ST18: variants seen among roughly 807,000 people sequenced by gnomAD.
The protein encoded by ST18 is suppression of tumorigenicity 18 protein.
In ST18, 50 loss-of-function variants were observed where a neutral mutation model predicts 110.0. That is an observed-to-expected ratio of 0.45 (90% confidence interval 0.36 to 0.58). The LOEUF (loss-of-function observed/expected upper bound fraction) is 0.58. ST18 is among the 20% of genes least tolerant of loss of function. The pLI is 0.00. For missense variants in ST18, 1,306 were observed against 1,280.1 expected (o/e 1.02, Z -0.31); for synonymous variants, 461 against 452.4 (o/e 1.02, Z -0.24).
intron 2 of ST18, among the ~76,000 whole-genome samples, chr8:52,395,638 G>A (rs78356073): frequency 0.022 from 3,418 of 152,204 alleles, 157 homozygotes; most frequent in African/African-American, 0.079. Context: ...CATGAGGAAG[G>A]CAGAAAACTG....
intron 2 of ST18, among the ~76,000 whole-genome samples, chr8:52,291,380 G>C (rs1365621007): frequency 6.6e-6 from 1 of 152,174 alleles, no homozygotes; most frequent in Non-Finnish European, 1.5e-5. Context: ...CTTGTTAAGG[G>C]TTATTATTTA....
At chr8:52,318,468 A>G (rs1285828598) in intron 2 of ST18, among the ~76,000 whole-genome samples, 1 of 152,240 alleles carries the variant, frequency 6.6e-6, no homozygotes, top group Non-Finnish European at 1.5e-5. Flanking sequence ...AATTGGTTCA[A>G]CCATTGCGGA....
At chr8:52,335,151 A>G (rs1342976394) in intron 2 of ST18, among the ~76,000 whole-genome samples, 5 of 152,148 alleles carry the variant, frequency 3.3e-5, no homozygotes, top group African/African-American at 1.2e-4. Context: ...GACTTCAGAC[A>G]TCTCTTGATT....
At position 52,112,613 on chromosome 8, in the gene ST18, ACCTTAC is replaced by A. The variant is rs2040859492; in HGVS notation, c.*579_*584del. ...TCTTCTTATTCCTTCCGTGCAGCTC[ACCTTAC>A]CGCAAATTCATTTATAAATACAAAA... On this transcript the variant is annotated 3_prime_UTR_variant, in exon 26 of 26. Coordinates refer to ENST00000689386, the MANE Select transcript of ST18 (RefSeq NM_001352837.2). 6.6e-6 allele frequency: 1 copy of A among 152,582 alleles called. No individual in the cohort carries two copies. Among genetic ancestry groups the A allele is most frequent in the African/African-American group, 2.4e-5 (1 of 41,418 alleles). The allele number at this position is 152,582 out of a possible 1,614,324, so 9.5% of individuals were successfully genotyped here. A position where few individuals can be genotyped will look rare whatever the true frequency, so the allele number is the denominator to read the frequency against.
intron 3 of ST18, among the ~76,000 whole-genome samples, chr8:52,225,741 T>C (rs1460072786): frequency 6.6e-6 from 1 of 152,218 alleles, no homozygotes; most frequent in African/African-American, 2.4e-5. Context: ...CATAATAAAC[T>C]GTAAACAGGA....
intron 2 of ST18, chr8:52,405,905 A>T (rs765453316): frequency 6.6e-6 from 1 of 152,202 alleles, no homozygotes; most frequent in Non-Finnish European, 1.5e-5. Flanking sequence ...GATCCAGATG[A>T]CATATCATTA....
chr8:52,188,214 T>C (rs2073122054), intron 8 of ST18, among the ~76,000 whole-genome samples: 1 of 152,034 alleles, frequency 6.6e-6, no homozygotes, highest in Non-Finnish European at 1.5e-5. Flanking sequence ...TTGGAAAAAA[T>C]ACAGCAGAGA....
rs1282729574 is a variant in ST18 at position 52,116,423 on chromosome 8, A to G, written c.2860-5T>C. The G allele has an allele frequency of 6.2e-7, 1 of 1,609,028 alleles. No individual in the cohort carries two copies. Among genetic ancestry groups the G allele is most frequent in the South Asian group, 1.1e-5 (1 of 90,096 alleles). On this transcript the variant is annotated splice_region_variant and splice_polypyrimidine_tract_variant and intron_variant, in intron 24 of 25. Transcript: ENST00000689386. ...GTTGCTCTCCATAGATGTGATCTACAACAGAAATAACTTGGGAATGTGAGT... is the reference window on the plus strand; with the variant it reads ...GTTGCTCTCCATAGATGTGATCTACGACAGAAATAACTTGGGAATGTGAGT...
At position 52,279,103 on chromosome 8, in the gene ST18, T is replaced by A. The variant is rs191617088; in HGVS notation, c.-464-49026A>T. Among the ~76,000 whole-genome samples, 585 of 152,262 alleles carry A rather than the reference T, an allele frequency of 3.8e-3. 3 individuals are homozygous for A. Among genetic ancestry groups the A allele is most frequent in the African/African-American group, 0.013 (558 of 41,554 alleles). On this transcript the variant is annotated intron_variant, in intron 2 of 25. Transcript: ENST00000689386. ...GAAAAAGACAGCAGTGTCGGACCCA[T>A]AAAGACTGAAAATTGTGGGAATAAC...
intron 2 of ST18, among the ~76,000 whole-genome samples, chr8:52,276,621 C>A (rs193293948): frequency 1.3e-5 from 2 of 152,094 alleles, no homozygotes; most frequent in Non-Finnish European, 2.9e-5. Context: ...TGATCATGCA[C>A]CCCCAATGCC....
At chr8:52,130,150 A>AGAAAGAAAGAAAGAAAGAAAGAAAGAAG (rs2048921956) in intron 22 of ST18, among the ~76,000 whole-genome samples, 1 of 151,652 alleles carries the variant, frequency 6.6e-6, no homozygotes, top group Non-Finnish European at 1.5e-5. Context: ...AAAGAAAGAA[A>AGAAAGAAAGAAAGAAAGAAAGAAAGAAG]GAAAGAAAGA....
chr8:52,180,783 T>C (rs1001067797), intron 8 of ST18, among the ~76,000 whole-genome samples: 1 of 152,216 alleles, frequency 6.6e-6, no homozygotes, highest in African/African-American at 2.4e-5. Flanking sequence ...GTCACATATC[T>C]TGGACTTTCA....
intron 23 of ST18, among the ~76,000 whole-genome samples, chr8:52,124,528 T>G (rs1469221604): frequency 1.3e-5 from 2 of 152,202 alleles, no homozygotes; most frequent in Non-Finnish European, 2.9e-5. Context: ...TTGCAGTCCT[T>G]ATCCTTTAAA....
At position 52,252,617 on chromosome 8, in the gene ST18, C is replaced by T. The variant is rs148743505; in HGVS notation, c.-464-22540G>A. 5.8e-3 allele frequency among the ~76,000 whole-genome samples: 874 copies of T among 151,848 alleles called. 5 individuals carry two copies. The highest frequency in any genetic ancestry group is 0.02 in the African/African-American group (829 of 41,444). The stretch of plus-strand genomic sequence containing the variant: ...TACGCTCTCCAAGGTACAGTATATC[C>T]AAATTTAAAATATAAAAGCTTTTAA... On this transcript the variant is annotated intron_variant, in intron 2 of 25. Transcript: ENST00000689386.
intron 2 of ST18, among the ~76,000 whole-genome samples, chr8:52,291,892 A>G (rs1589665774): frequency 6.6e-6 from 1 of 151,956 alleles, no homozygotes; most frequent in Non-Finnish European, 1.5e-5. Flanking sequence ...CTCCCGCCCC[A>G]GTCTCTCGAG....
chr8:52,161,652 A>G, intron 13 of ST18, 84 bp from the exon 14 acceptor site: 1 of 1,452,194 alleles, frequency 6.9e-7, no homozygotes, highest in East Asian at 2.3e-5. Flanking sequence ...CAGTAGATAC[A>G]TGTGTCACTC....
intron 2 of ST18, among the ~76,000 whole-genome samples, chr8:52,315,699 C>T (rs777794657): frequency 2.0e-5 from 3 of 152,178 alleles, no homozygotes; most frequent in Admixed American, 6.5e-5. Flanking sequence ...TAGAGTAGTG[C>T]TGGTGAATGT....
chr8:52,204,241 A>T (rs903009577), intron 8 of ST18, among the ~76,000 whole-genome samples: 7 of 152,238 alleles, frequency 4.6e-5, no homozygotes, highest in Non-Finnish European at 8.8e-5. Flanking sequence ...ATAGATCAAG[A>T]AAATACCAAA....
chr8:52,403,837 C>A (rs921457873), intron 2 of ST18: 5 of 152,262 alleles, frequency 3.3e-5, no homozygotes, highest in Non-Finnish European at 7.4e-5. Flanking sequence ...TAAACATCAG[C>A]AAAATTAATC....
Sources: allele counts gnomAD v4.1 joint callset (sites outside exome capture counted in the v4.1 genomes callset), GRCh38; gene constraint gnomAD v4.1.1; transcripts MANE v1.5; gene names NCBI Gene and HGNC (gene_info 2026-07-23, HGNC 2026-07-21).